Variants in EXOC4 observed in about 807,000 individuals in gnomAD.
EXOC4 encodes exocyst complex component 4.
A neutral mutation model predicts 107.2 loss-of-function variants in EXOC4; 71 were observed. That is an observed-to-expected ratio of 0.66 (90% confidence interval 0.55 to 0.81). The LOEUF (loss-of-function observed/expected upper bound fraction) is 0.81. EXOC4 is among the 30% of genes least tolerant of loss of function. EXOC4 has a pLI of 0.00. For synonymous variants in EXOC4, 456 were observed against 441.2 expected, an observed-to-expected ratio of 1.03 and a Z score of -0.42; for missense variants, 1,108 against 1,189.6, an observed-to-expected ratio of 0.93 and a Z score of 1.01.
rs371600820 is a variant in EXOC4 at position 133,478,126 on chromosome 7, C to CT, written c.1329-1911dup. On this transcript the variant is annotated intron_variant, in intron 8 of 17. Coordinates refer to ENST00000253861, the MANE Select transcript of EXOC4 (RefSeq NM_021807.4). ...GCGCCTAAGCAGGCCCTTTTCTTTT[C>CT]TTTTTTTTTTTTTCTTTTCTCTATT... 2.1e-3 allele frequency among the ~76,000 whole-genome samples: 304 copies of CT among 143,566 alleles called. 2 individuals carry two copies. Among genetic ancestry groups the CT allele is most frequent in the East Asian group, 0.014 (70 of 4,952 alleles). 94.2% of individuals were successfully genotyped at this position (143,566 alleles called of 152,430 possible). A position where few individuals can be genotyped will look rare whatever the true frequency, so the allele number is the denominator to read the frequency against.
chr7:133,553,469 C>T (rs916069118), intron 9 of EXOC4, among the ~76,000 whole-genome samples: 4 of 152,148 alleles, frequency 2.6e-5, no homozygotes, highest in Admixed American at 6.6e-5. Context: ...CTCCTTCCTC[C>T]GATTTCATTC....
chr7:133,871,458 C>G (rs1229780061), intron 11 of EXOC4, among the ~76,000 whole-genome samples: 1 of 152,130 alleles, frequency 6.6e-6, no homozygotes, highest in Non-Finnish European at 1.5e-5. Context: ...TACCATTCAT[C>G]TTAAAGATGG....
At chr7:133,792,605 A>G (rs939134126) in intron 10 of EXOC4, among the ~76,000 whole-genome samples, 1 of 150,272 alleles carries the variant, frequency 6.7e-6, no homozygotes, top group African/African-American at 2.4e-5. Context: ...TGTCCGTAGA[A>G]GGTGACTACA....
chr7:133,947,659 C>G (rs907461882), intron 14 of EXOC4, among the ~76,000 whole-genome samples: 2 of 152,146 alleles, frequency 1.3e-5, no homozygotes, highest in African/African-American at 2.4e-5. Context: ...CACCCCCCTC[C>G]GTAAGGAGGT....
Position 134,034,188 on chromosome 7 carries a change from G to C in EXOC4, c.2687+26353G>C, listed in dbSNP as rs77365045. On this transcript the variant is annotated intron_variant, in intron 17 of 17. Transcript: ENST00000253861. ...ACAGCTGTTCTGGAGAAAGTTCTCT[G>C]GGTGGGAAAAGACTCAAGAAAATAG... is the stretch of plus-strand genomic sequence containing the variant. Among the ~76,000 whole-genome samples, 761 of 152,220 alleles carry C rather than the reference G, an allele frequency of 5.0e-3. 3 individuals are homozygous for C. The highest frequency in any genetic ancestry group is 0.017 in the African/African-American group (699 of 41,516).
chr7:133,717,454 G>A (rs112397266), intron 10 of EXOC4, among the ~76,000 whole-genome samples: 9 of 152,094 alleles, frequency 5.9e-5, no homozygotes, highest in Non-Finnish European at 5.9e-5. Context: ...CCCCCAACCC[G>A]TGAGGTCCTC....
At chr7:133,368,739 A>C (rs373067354) in intron 6 of EXOC4, among the ~76,000 whole-genome samples, 2 of 152,192 alleles carry the variant, frequency 1.3e-5, no homozygotes, top group African/African-American at 4.8e-5. Context: ...GTGATGCTGC[A>C]TTGAGTATTA....
At chr7:133,298,795 A>G (rs2150559093) in intron 3 of EXOC4, among the ~76,000 whole-genome samples, 1 of 152,268 alleles carries the variant, frequency 6.6e-6, no homozygotes, top group South Asian at 2.1e-4. Flanking sequence ...CTAGAATTTT[A>G]TTTTAAAGAA....
chr7:134,073,929 C>G, the EXOC4 span, among the ~76,000 whole-genome samples: 1 of 152,286 alleles, frequency 6.6e-6, no homozygotes, highest in South Asian at 2.1e-4. Context: ...TAAACACTGT[C>G]TGGTGCTGTC....
intron 12 of EXOC4, among the ~76,000 whole-genome samples, chr7:133,912,335 A>G (rs948964081): frequency 2.6e-5 from 4 of 152,222 alleles, no homozygotes; most frequent in Admixed American, 6.5e-5. Context: ...GTAGCGTAGA[A>G]GGGAAAGGCT....
the EXOC4 span, among the ~76,000 whole-genome samples, chr7:134,089,529 G>A: frequency 6.6e-6 from 1 of 152,134 alleles, no homozygotes. Flanking sequence ...CTAACTTCAC[G>A]TGTCCCAAGC....
intron 11 of EXOC4, among the ~76,000 whole-genome samples, chr7:133,823,437 A>G (rs1167345316): frequency 6.6e-6 from 1 of 152,096 alleles, no homozygotes; most frequent in Non-Finnish European, 1.5e-5. Context: ...GATGATCCCA[A>G]CATGCAGCCA....
intron 6 of EXOC4, among the ~76,000 whole-genome samples, chr7:133,365,608 G>C (rs1043826542): frequency 6.6e-6 from 1 of 152,076 alleles, no homozygotes; most frequent in Non-Finnish European, 1.5e-5. Context: ...TCTTTTCATA[G>C]AGCAGATGGA....
intron 17 of EXOC4, among the ~76,000 whole-genome samples, chr7:134,052,083 T>C (rs1170677660): frequency 6.6e-6 from 1 of 152,208 alleles, no homozygotes; most frequent in Non-Finnish European, 1.5e-5. Context: ...CTGCTGTGCG[T>C]GTCCATGAAG....
intron 14 of EXOC4, among the ~76,000 whole-genome samples, chr7:133,965,755 G>A (rs1181728724): frequency 6.6e-6 from 1 of 152,178 alleles, no homozygotes; most frequent in Non-Finnish European, 1.5e-5. Flanking sequence ...AAGTCAGGTA[G>A]CATGATGCCT....
At chr7:133,597,808 C>T (rs763853013) in intron 9 of EXOC4, among the ~76,000 whole-genome samples, 3 of 151,782 alleles carry the variant, frequency 2.0e-5, no homozygotes, top group Non-Finnish European at 4.4e-5. Context: ...GCCAGGAGTT[C>T]GAGATCAGTC....
At chr7:133,971,361 T>TATATATAGAGAGAGAG (rs1489958236) in intron 14 of EXOC4, among the ~76,000 whole-genome samples, 11 of 75,078 alleles carry the variant, frequency 1.5e-4, no homozygotes, top group East Asian at 4.7e-4. Context: ...TATATATATA[T>TATATATAGAGAGAGAG]AGAGAGAGAG....
chr7:133,288,455 G>A (rs1305206515), intron 2 of EXOC4, among the ~76,000 whole-genome samples: 1 of 152,104 alleles, frequency 6.6e-6, no homozygotes, highest in Non-Finnish European at 1.5e-5. Context: ...TTTTAGTTAG[G>A]TTGAGCACTC....
chr7:133,835,776 A>G (rs377540460), intron 11 of EXOC4, among the ~76,000 whole-genome samples: 6 of 152,346 alleles, frequency 3.9e-5, no homozygotes, highest in African/African-American at 1.2e-4. Flanking sequence ...ATATATTTAT[A>G]TTGTCGGCTT....
Sources: allele counts gnomAD v4.1 joint callset (sites outside exome capture counted in the v4.1 genomes callset), GRCh38; gene constraint gnomAD v4.1.1; transcripts MANE v1.5; gene names NCBI Gene and HGNC (gene_info 2026-07-23, HGNC 2026-07-21).